MACF1: variants seen among roughly 807,000 people sequenced by gnomAD.
The protein encoded by MACF1 is microtubule-actin cross-linking factor 1.
Under a neutral mutation model 854.8 loss-of-function variants are expected in MACF1, and 193 were observed. The ratio of observed to expected loss-of-function variants is 0.23; its 90% CI spans 0.20 to 0.25. MACF1 has a LOEUF of 0.25. Among genes scored for constraint, MACF1 ranks in the 10% least tolerant of loss-of-function variants. MACF1 has a pLI of 1.00. For synonymous variants in MACF1, 3,185 were observed against 3,226.7 expected, an observed-to-expected ratio of 0.99 and a Z score of 0.44; for missense variants, 7,722 against 8,929.1, an observed-to-expected ratio of 0.86 and a Z score of 5.45.
rs1307678701 is a variant in MACF1, at chr1:39,388,427, G to T, written c.15585G>T (p.Leu5195Phe). The change falls in exon 58 of 101, where the codon TTG becomes TTT. Residue 5195 changes from leucine (L) to phenylalanine (F), a missense_variant. By Grantham distance (22) the Leu-to-Phe change is conservative. Coordinates refer to ENST00000564288, the MANE Select transcript of MACF1 (RefSeq NM_001394062.1). ...TAGAAGAAGAGGGGACTCTGGATTT[G>T]TTAGGTCTCAAAAGGGAGCTAGAAG... ...HMLEEEGTLD[L>F]LGLKRELEAL... is the part of the protein sequence containing the mutation. The T allele has an allele frequency of 3.7e-6, 6 of 1,613,980 alleles. No individual in the cohort carries two copies. The highest frequency in any genetic ancestry group is 2.7e-5 in the African/African-American group (2 of 74,912).
intron 36 of MACF1, 122 bp from the exon 37 acceptor site, chr1:39,331,081 T>C: frequency 7.3e-7 from 1 of 1,363,542 alleles, no homozygotes; most frequent in Non-Finnish European, 9.6e-7. Flanking sequence ...CCACTGTGCC[T>C]GGCCTGTATA....
At chr1:39,457,214 T>C (rs1213605603) in intron 89 of MACF1, 1 of 152,364 alleles carries the variant, frequency 6.6e-6, no homozygotes, top group East Asian at 1.9e-4. Context: ...CTTTGCCCCC[T>C]TGCCTGACGT....
chr1:39,147,394 C>T, intron 2 of MACF1, among the ~76,000 whole-genome samples: 1 of 147,182 alleles, frequency 6.8e-6, no homozygotes, highest in Non-Finnish European at 1.5e-5. Flanking sequence ...CCCCTTCTTT[C>T]CTTCCTTCCC....
At chr1:39,170,609 G>C (rs1643935490) in intron 2 of MACF1, among the ~76,000 whole-genome samples, 1 of 152,194 alleles carries the variant, frequency 6.6e-6, no homozygotes, top group African/African-American at 2.4e-5. Flanking sequence ...TCAGTGAAAC[G>C]ACTATTATAG....
intron 6 of MACF1, chr1:39,269,813 T>A: frequency 1.9e-6 from 2 of 1,056,780 alleles, no homozygotes; most frequent in Non-Finnish European, 2.5e-6. Flanking sequence ...AGTGAGGATG[T>A]TGGTGCCTCT....
Position 39,318,603 on chromosome 1 carries a change from C to T in MACF1, c.3933C>T (p.Leu1311=), listed in dbSNP as rs765725457. ...ATAGCAGAGTGCTTTCGGAGCAGCT[C>T]AGCCAGCAGACGGTGAGTGTGGTAG... ...AEDSRVLSEQ[L]SQQTALFAEI... Residue 1311 remains leucine (L), a synonymous_variant, in exon 30 of 101, where the codon CTC becomes CTT. Transcript: ENST00000564288. 7 of 1,610,922 alleles carry T rather than the reference C, an allele frequency of 4.3e-6. No individual in the cohort carries two copies. The South Asian group carries it at 5.5e-5, about 13-fold the overall frequency.
chr1:39,480,885 GTTCCTGTCC>G, intron 98 of MACF1, 26 bp from the exon 99 acceptor site: 1 of 1,145,780 alleles, frequency 8.7e-7, no homozygotes, highest in Non-Finnish European at 1.3e-6. Flanking sequence ...TTTTTCAATT[GTTCCTGTCC>G]TTCCCTTTGG....
intron 2 of MACF1, among the ~76,000 whole-genome samples, chr1:39,241,887 C>T (rs1176789404): frequency 6.6e-6 from 1 of 152,018 alleles, no homozygotes; most frequent in African/African-American, 2.4e-5. Context: ...CTTCTCTAGG[C>T]AATGGTTTTC....
chr1:39,290,679 T>C (rs1354725371), intron 15 of MACF1, among the ~76,000 whole-genome samples: 1 of 148,634 alleles, frequency 6.7e-6, no homozygotes, highest in Non-Finnish European at 1.5e-5. Flanking sequence ...TTTTTTTTTT[T>C]TTTTTGAGAT....
At chr1:39,149,203 G>A (rs905205250) in intron 2 of MACF1, among the ~76,000 whole-genome samples, 2 of 152,122 alleles carry the variant, frequency 1.3e-5, no homozygotes, top group Admixed American at 1.3e-4. Flanking sequence ...GAATGGGTTG[G>A]GTAAAGGGTA....
chr1:39,346,947 TG>T, intron 40 of MACF1, 29 bp from the exon 41 acceptor site: 2 of 1,478,908 alleles, frequency 1.4e-6, no homozygotes, highest in Non-Finnish European at 1.9e-6. Flanking sequence ...TGGTTTTTTG[TG>T]TTTTGTTTCC....
At chr1:39,141,243 A>G (rs1280779729) in intron 2 of MACF1, among the ~76,000 whole-genome samples, 1 of 152,182 alleles carries the variant, frequency 6.6e-6, no homozygotes, top group East Asian at 1.9e-4. Context: ...AACTTGTTGA[A>G]TATACTCTTG....
At chr1:39,469,065 T>C (rs1644725362) in intron 96 of MACF1, among the ~76,000 whole-genome samples, 1 of 152,190 alleles carries the variant, frequency 6.6e-6, no homozygotes, top group Non-Finnish European at 1.5e-5. Flanking sequence ...GGTTCCCTCT[T>C]AGTGCCTCAG....
intron 2 of MACF1, chr1:39,154,166 C>T (rs1643637028): frequency 6.6e-6 from 1 of 152,152 alleles, no homozygotes; most frequent in Admixed American, 6.6e-5. Flanking sequence ...GTTTGATGAC[C>T]CCATGACCCT....
At chr1:39,422,705 A>G (rs2148637550) in intron 59 of MACF1, 25 bp from the exon 60 acceptor site, 3 of 1,605,426 alleles carry the variant, frequency 1.9e-6, no homozygotes, top group South Asian at 2.2e-5. Flanking sequence ...CGTTCTCATA[A>G]TGAACCTACA....
chr1:39,359,296 C>T (rs746549132), intron 47 of MACF1, 32 bp downstream of exon 47: 3 of 1,609,638 alleles, frequency 1.9e-6, no homozygotes, highest in African/African-American at 1.3e-5. Context: ...ATAGTACTCC[C>T]TTAATTCCTA....
chr1:39,380,456 CA>C, intron 55 of MACF1, 83 bp downstream of exon 55: 1 of 1,365,114 alleles, frequency 7.3e-7, no homozygotes, highest in Middle Eastern at 2.4e-4. Flanking sequence ...TCCTATAAAA[CA>C]GGAATTATTT....
In MACF1 at chr1:39,455,069, G is replaced by C. The variant is rs756134944; in HGVS notation, c.21047G>C (p.Arg7016Pro). The change falls in exon 89 of 101, where the codon CGA becomes CCA. Residue 7016 changes from arginine (R) to proline (P), a missense_variant. Around this residue, in one of 15 missense-constraint regions of MACF1, gnomAD observed 729 missense variants for 900.5 expected, o/e 0.81. Coordinates refer to ENST00000564288, the MANE Select transcript of MACF1 (RefSeq NM_001394062.1). Reference sequence around the variant, plus strand: ...GAGCCAATCCCGCAGAACATTGACCGAGTTAAAGCCCTTATCGCTGAGCAT... The same window carrying C: ...GAGCCAATCCCGCAGAACATTGACCCAGTTAAAGCCCTTATCGCTGAGCAT... ...DQEPIPQNID[R>P]VKALIAEHQT... 1 of 1,614,056 alleles carries C rather than the reference G, an allele frequency of 6.2e-7. No individual in the cohort carries two copies. Among genetic ancestry groups the C allele is most frequent in the East Asian group, 2.2e-5 (1 of 44,884 alleles).
chr1:39,156,231 A>ACTCCTGACCTCAGGTGATCCACCTAC (rs1643683510), intron 2 of MACF1, among the ~76,000 whole-genome samples: 1 of 148,146 alleles, frequency 6.8e-6, no homozygotes, highest in Non-Finnish European at 1.5e-5. Flanking sequence ...CTGGTCTCGA[A>ACTCCTGACCTCAGGTGATCCACCTAC]CTCCTGACCT....
Sources: allele counts gnomAD v4.1 joint callset (sites outside exome capture counted in the v4.1 genomes callset), GRCh38; gene constraint gnomAD v4.1.1; regional missense constraint gnomAD v4.1.1; transcripts MANE v1.5; gene names NCBI Gene and HGNC (gene_info 2026-07-23, HGNC 2026-07-21).